KANK1: variants seen among roughly 807,000 people sequenced by gnomAD.
The protein encoded by KANK1 is KN motif and ankyrin repeat domain-containing protein 1.
In KANK1, 109 loss-of-function variants were observed where a neutral mutation model predicts 106.2. The ratio of observed to expected loss-of-function variants is 1.03; its 90% CI spans 0.88 to 1.20. The LOEUF is 1.20. Ranked by LOEUF, KANK1 falls within the 50% of genes most tolerant of loss-of-function variation. KANK1 has a pLI of 0.00. For missense variants in KANK1, 2,399 were observed against 1,710.7 expected (o/e 1.40, Z -7.10); for synonymous variants, 873 against 652.2 (o/e 1.34, Z -5.16).
chr9:528,151 A>C (rs1721994629), intron 1 of KANK1, among the ~76,000 whole-genome samples: 3 of 152,012 alleles, frequency 2.0e-5, no homozygotes, highest in South Asian at 2.1e-4. Flanking sequence ...AAAAAAAAAA[A>C]AAAACTTTTT....
intron 3 of KANK1, among the ~76,000 whole-genome samples, chr9:725,145 C>T (rs12686171): frequency 0.22 from 34,036 of 151,808 alleles, 4,319 homozygotes; most frequent in African/African-American, 0.33. Context: ...GATTTGGGGA[C>T]AGGGGACTGT....
chr9:745,069 C>T (rs1025237073), intron 11 of KANK1, 104 bp from the exon 12 acceptor site: 2 of 1,541,752 alleles, frequency 1.3e-6, no homozygotes, highest in African/African-American at 1.4e-5. Flanking sequence ...CTCGGGCTCA[C>T]AGCTGCTTGT....
At chr9:551,729 GTGT>G (rs1362508717) in intron 1 of KANK1, among the ~76,000 whole-genome samples, 5 of 152,066 alleles carry the variant, frequency 3.3e-5, no homozygotes, top group African/African-American at 1.2e-4. Flanking sequence ...GATACCATCG[GTGT>G]TGTTATAATG....
Position 713,182 on chromosome 9 carries a change from G to A in KANK1, c.2416G>A (p.Glu806Lys). The A allele has an allele frequency of 6.3e-7, 1 of 1,585,252 alleles. No individual in the cohort carries two copies. Among genetic ancestry groups the A allele is most frequent in the Non-Finnish European group, 8.6e-7 (1 of 1,165,738 alleles). Residue 806 changes from glutamate to lysine, a missense_variant, in exon 3 of 12, where the codon GAA becomes AAA. By Grantham distance (56) the Glu-to-Lys change is moderately conservative. Transcript: ENST00000382297. Reference protein sequence around the residue: ...SVGVGDDPVGESLENPQPQAP... With the variant: ...SVGVGDDPVGKSLENPQPQAP... ...GGGGGTTGGGGATGACCCTGTAGGG[G>A]AATCTCTGGAGAACCCCCAGCCTCA...
intron 1 of KANK1, among the ~76,000 whole-genome samples, chr9:614,936 T>G (rs1831439559): frequency 6.6e-6 from 1 of 152,096 alleles, no homozygotes; most frequent in African/African-American, 2.4e-5. Context: ...ACATATATAA[T>G]TTTATGGTAC....
At chr9:739,902 C>T (rs1020453889) in intron 8 of KANK1, among the ~76,000 whole-genome samples, 5 of 152,044 alleles carry the variant, frequency 3.3e-5, no homozygotes, top group Non-Finnish European at 7.4e-5. Flanking sequence ...CACGAATTCA[C>T]CTGCTTCTCC....
At position 738,470 on chromosome 9, in the gene KANK1, C is replaced by T; in HGVS notation, c.3519C>T (p.Ser1173=). The change falls in exon 8 of 12, where the codon TCC becomes TCT. Residue 1173 remains serine (S), a synonymous_variant. Coordinates refer to ENST00000382297, the MANE Select transcript of KANK1 (RefSeq NM_015158.5). ...CCCTCCATTACAGCGTGTCCCACTC[C>T]AACTTCGAGATTGTGAAGCTGCTGT... ...NTALHYSVSH[S]NFEIVKLLLD... 1.2e-6 allele frequency: 2 copies of T among 1,614,162 alleles called. No individual in the cohort carries two copies. Among genetic ancestry groups the T allele is most frequent in the Non-Finnish European group, 1.7e-6 (2 of 1,180,012 alleles).
At chr9:563,161 C>T (rs1303676688) in intron 1 of KANK1, among the ~76,000 whole-genome samples, 2 of 148,902 alleles carry the variant, frequency 1.3e-5, no homozygotes, top group East Asian at 2.0e-4. Flanking sequence ...AAAATCACTT[C>T]GAGCAAATGA....
chr9:479,872 G>C (rs982224953), intron 3 of KANK1, among the ~76,000 whole-genome samples: 4 of 151,374 alleles, frequency 2.6e-5, no homozygotes, highest in African/African-American at 9.8e-5. Flanking sequence ...GAAAATAACT[G>C]AGCCCCCCCA....
At chr9:502,080 A>ACATAT (rs2058564270), upstream of KANK1, among the ~76,000 whole-genome samples, 2 of 152,246 alleles carry the variant, frequency 1.3e-5, no homozygotes, top group African/African-American at 4.8e-5. Flanking sequence ...TATTATGTTA[A>ACATAT]GTGAAAGAAG....
At chr9:680,004 T>C (rs1002557780) in intron 2 of KANK1, among the ~76,000 whole-genome samples, 2 of 152,110 alleles carry the variant, frequency 1.3e-5, no homozygotes, top group Admixed American at 1.3e-4. Flanking sequence ...TAGATGAAGA[T>C]GAGATAAAGA....
intron 3 of KANK1, among the ~76,000 whole-genome samples, chr9:479,802 C>A (rs375460626): frequency 5.3e-5 from 8 of 152,196 alleles, no homozygotes; most frequent in African/African-American, 1.4e-4. Flanking sequence ...GGCTCACCCA[C>A]AAGGAAGTTC....
At chr9:656,912 T>C (rs1842269126) in intron 1 of KANK1, among the ~76,000 whole-genome samples, 1 of 152,160 alleles carries the variant, frequency 6.6e-6, no homozygotes, top group Non-Finnish European at 1.5e-5. Flanking sequence ...ACACATAGCA[T>C]AGATTTGCCC....
rs556008563 is a variant in KANK1 at position 740,699 on chromosome 9, C to A, written c.3554-93C>A. 8.0e-4 allele frequency: 1,074 copies of A among 1,338,880 alleles called. 2 individuals carry two copies. The highest frequency in any genetic ancestry group is 1.0e-3 in the Non-Finnish European group (1,012 of 975,590). The allele number at this position is 1,338,880 out of a possible 1,614,324, so 82.9% of individuals were successfully genotyped here. ...AGCCACCTGGTACCATTTCACTGGG[C>A]TCCTGTAAACACCATCCCTTCAGTG... On this transcript the variant is annotated intron_variant, in intron 8 of 11. Transcript: ENST00000382297.
rs1554721428 is a variant in KANK1 at position 497,446 on chromosome 9, ACT to A, written c.-362+24175_-362+24176del. On this transcript the variant is annotated intron_variant, in intron 3 of 15. Transcript: ENST00000382303. The stretch of plus-strand genomic sequence containing the variant: ...TGTGACTCTTCACACACACACACAC[ACT>A]CACACTCACACTCTTGCCACCATGA... Among the ~76,000 whole-genome samples, 752 of 146,440 alleles carry A rather than the reference ACT, an allele frequency of 5.1e-3. 45 individuals carry two copies. In the South Asian group the frequency reaches 0.11, roughly 22 times the overall value.
At chr9:705,593 T>A (rs957057172) in intron 2 of KANK1, among the ~76,000 whole-genome samples, 1 of 143,600 alleles carries the variant, frequency 7.0e-6, no homozygotes, top group East Asian at 3.4e-4. Flanking sequence ...AAATGTATAT[T>A]TTTTTTGGGG....
chr9:744,351 A>G, intron 10 of KANK1, 140 bp from the exon 11 acceptor site: 2 of 935,762 alleles, frequency 2.1e-6, no homozygotes, highest in Non-Finnish European at 3.1e-6. Context: ...AGGTCCCAAA[A>G]AAGTTTCCCA....
chr9:683,773 A>G (rs1818021964), intron 2 of KANK1, among the ~76,000 whole-genome samples: 1 of 152,172 alleles, frequency 6.6e-6, no homozygotes, highest in African/African-American at 2.4e-5. Context: ...TCCTTTATTT[A>G]TTGCATCATA....
At chr9:681,607 G>A (rs1176049050) in intron 2 of KANK1, among the ~76,000 whole-genome samples, 1 of 152,174 alleles carries the variant, frequency 6.6e-6, no homozygotes, top group East Asian at 1.9e-4. Flanking sequence ...AAGAATAGCT[G>A]TAAAAACACT....
Sources: gnomAD v4.1 joint callset for allele counts (sites outside exome capture counted in the v4.1 genomes callset) on GRCh38, gnomAD v4.1.1 for gene constraint, MANE v1.5 for transcripts, NCBI Gene and HGNC (gene_info 2026-07-23, HGNC 2026-07-21) for gene names.